ERBIN: variants seen among roughly 807,000 people sequenced by gnomAD.
ERBIN encodes the protein densin-180-like protein.
In ERBIN, 60 loss-of-function variants were observed where a neutral mutation model predicts 158.4. The observed-to-expected ratio is 0.38, with a 90% CI of 0.31 to 0.47. ERBIN has a LOEUF of 0.47. Ranked by LOEUF, ERBIN falls within the 20% of genes least tolerant of loss-of-function variation. The probability of loss-of-function intolerance (pLI) is 0.99; values close to 1 mark genes in which losing one functional copy is unlikely to be tolerated. For missense variants in ERBIN, 1,610 were observed against 1,648.0 expected, an observed-to-expected ratio of 0.98 and a Z score of 0.40; for synonymous variants, 594 against 557.2, an observed-to-expected ratio of 1.07 and a Z score of -0.93.
chr5:66,066,198 G>A (rs1432693800), intron 21 of ERBIN, among the ~76,000 whole-genome samples: 1 of 152,066 alleles, frequency 6.6e-6, no homozygotes, highest in Non-Finnish European at 1.5e-5. Flanking sequence ...CAGATTGAAA[G>A]TGCTACATAA....
intron 1 of ERBIN, among the ~76,000 whole-genome samples, chr5:65,972,137 A>C (rs574780715): frequency 5.3e-5 from 8 of 151,670 alleles, no homozygotes; most frequent in Non-Finnish European, 1.0e-4. Context: ...TTTTTGGGGG[A>C]TATTTATTGT....
intron 3 of ERBIN, among the ~76,000 whole-genome samples, chr5:65,993,414 T>A (rs1455815806): frequency 6.6e-6 from 1 of 152,238 alleles, no homozygotes; most frequent in Non-Finnish European, 1.5e-5. Context: ...TTCTGAAGTC[T>A]AGTAACAACT....
chr5:66,030,382 A>G (rs1456175893), intron 14 of ERBIN, among the ~76,000 whole-genome samples: 2 of 151,974 alleles, frequency 1.3e-5, no homozygotes, highest in African/African-American at 4.8e-5. Flanking sequence ...CGTATCTGTT[A>G]TATGTGGAAC....
chr5:65,929,642 T>A (rs1743119532), intron 1 of ERBIN, among the ~76,000 whole-genome samples: 1 of 148,274 alleles, frequency 6.7e-6, no homozygotes, highest in Non-Finnish European at 1.5e-5. Context: ...TTCCTCTTTT[T>A]TTTTTTTTTT....
At chr5:66,013,851 T>C (rs1409241516) in intron 6 of ERBIN, among the ~76,000 whole-genome samples, 3 of 152,120 alleles carry the variant, frequency 2.0e-5, no homozygotes, top group Admixed American at 6.6e-5. Context: ...AAAAAAAGTT[T>C]TCTTAGGTGG....
At chr5:65,988,312 G>A (rs961236150) in intron 1 of ERBIN, among the ~76,000 whole-genome samples, 2 of 151,876 alleles carry the variant, frequency 1.3e-5, no homozygotes, top group Non-Finnish European at 2.9e-5. Flanking sequence ...GTTTGAGGCC[G>A]CAGTCAGTCA....
rs568890181 is a variant in ERBIN, at chr5:65,977,794, G to T, written c.-57-10841G>T. On this transcript the variant is annotated intron_variant, in intron 1 of 25. Transcript: ENST00000284037. ...GGCTGCAATCTCGGCACTTCGGGAGGCCAAGGCAGGCGGCTGGGAGGTGGA... is the reference window on the plus strand; with the variant it reads ...GGCTGCAATCTCGGCACTTCGGGAGTCCAAGGCAGGCGGCTGGGAGGTGGA... Among the ~76,000 whole-genome samples, 6 of 152,348 alleles carry T rather than the reference G, an allele frequency of 3.9e-5. No individual in the cohort carries two copies. The South Asian group carries it at 1.2e-3, about 32-fold the overall frequency.
At chr5:65,977,905 G>A (rs540142121) in intron 1 of ERBIN, among the ~76,000 whole-genome samples, 5 of 151,698 alleles carry the variant, frequency 3.3e-5, no homozygotes, top group African/African-American at 7.3e-5. Context: ...CTGCAATCCC[G>A]GCACCTCAGG....
At chr5:65,945,865 G>C (rs1335523239) in intron 1 of ERBIN, among the ~76,000 whole-genome samples, 1 of 152,096 alleles carries the variant, frequency 6.6e-6, no homozygotes, top group African/African-American at 2.4e-5. Context: ...CTTTTATCCA[G>C]TTACCCCAGT....
At chr5:65,946,517 AT>A (rs1264047216) in intron 1 of ERBIN, among the ~76,000 whole-genome samples, 2 of 152,156 alleles carry the variant, frequency 1.3e-5, no homozygotes, top group African/African-American at 4.8e-5. Flanking sequence ...TGTGCTACCA[AT>A]TTGTTGAATC....
chr5:66,076,542 C>T (rs1202599497), intron 24 of ERBIN, 134 bp downstream of exon 24: 2 of 726,390 alleles, frequency 2.8e-6, no homozygotes, highest in African/African-American at 3.6e-5. Flanking sequence ...CACTCTATTG[C>T]TTACCTTTTT....
intron 4 of ERBIN, among the ~76,000 whole-genome samples, chr5:66,011,412 G>A (rs1754182189): frequency 6.6e-6 from 1 of 152,206 alleles, no homozygotes; most frequent in Non-Finnish European, 1.5e-5. Context: ...TCCTTGGCCT[G>A]TGGGGTGGCT....
intron 1 of ERBIN, among the ~76,000 whole-genome samples, chr5:65,949,634 T>C (rs577367763): frequency 3.3e-4 from 50 of 152,344 alleles, no homozygotes; most frequent in Non-Finnish European, 6.2e-4. Flanking sequence ...GAAGAACTGC[T>C]AAATAGTCCA....
intron 1 of ERBIN, among the ~76,000 whole-genome samples, chr5:65,965,436 C>A: frequency 1.6e-5 from 2 of 128,444 alleles, no homozygotes; most frequent in African/African-American, 3.0e-5. Context: ...GACGGAGTCT[C>A]ACTCTGTTGC....
At chr5:66,017,904 G>C (rs1409878311) in intron 7 of ERBIN, among the ~76,000 whole-genome samples, 3 of 152,050 alleles carry the variant, frequency 2.0e-5, no homozygotes, top group African/African-American at 7.2e-5. Context: ...TCTGCATATA[G>C]TTATCAAGTT....
At chr5:66,030,326 G>A (rs1756730865) in intron 14 of ERBIN, among the ~76,000 whole-genome samples, 1 of 152,016 alleles carries the variant, frequency 6.6e-6, no homozygotes, top group Non-Finnish European at 1.5e-5. Flanking sequence ...ACAGGTGTGA[G>A]CCACCACGCC....
chr5:66,061,058 G>C (rs1350723962), intron 21 of ERBIN, among the ~76,000 whole-genome samples: 1 of 152,156 alleles, frequency 6.6e-6, no homozygotes, highest in African/African-American at 2.4e-5. Context: ...ATGTCTGTTA[G>C]GTCTGCTTGG....
chr5:66,017,157 G>A (rs1273990922), intron 7 of ERBIN, among the ~76,000 whole-genome samples: 1 of 152,024 alleles, frequency 6.6e-6, no homozygotes, highest in Non-Finnish European at 1.5e-5. Context: ...ATAGACATAG[G>A]AGTTCAGATA....
intron 14 of ERBIN, among the ~76,000 whole-genome samples, chr5:66,038,100 G>T (rs1397605675): frequency 6.6e-6 from 1 of 152,068 alleles, no homozygotes; most frequent in African/African-American, 2.4e-5. Context: ...AACGGACTAT[G>T]GATAAACTTA....
Sources: allele counts gnomAD v4.1 joint callset (sites outside exome capture counted in the v4.1 genomes callset), GRCh38; gene constraint gnomAD v4.1.1; transcripts MANE v1.5; gene names NCBI Gene and HGNC (gene_info 2026-07-23, HGNC 2026-07-21).